OPA1: variants seen among roughly 807,000 people sequenced by gnomAD.
OPA1 encodes dynamin-like GTPase OPA1, mitochondrial.
In OPA1, 59 loss-of-function variants were observed where a neutral mutation model predicts 152.9. That is an observed-to-expected ratio of 0.39 (90% CI 0.31 to 0.48). The LOEUF (loss-of-function observed/expected upper bound fraction) is 0.48, where lower values mean the gene tolerates loss of function less well. Among genes scored for constraint, OPA1 ranks in the 20% least tolerant of loss-of-function variants. OPA1 has a pLI of 0.96. For synonymous variants in OPA1, 400 were observed against 389.9 expected, an observed-to-expected ratio of 1.03 and a Z score of -0.31; for missense variants, 1,008 against 1,216.8, an observed-to-expected ratio of 0.83 and a Z score of 2.55.
At chr3:193,637,877 C>T in intron 10 of OPA1, 75 bp from the exon 11 acceptor site, 3 of 1,169,890 alleles carry the variant, frequency 2.6e-6, no homozygotes, top group Non-Finnish European at 3.8e-6. Flanking sequence ...AAACTCAGAG[C>T]AGCATTACAA....
At chr3:193,623,459 A>T (rs1173061301) in intron 6 of OPA1, among the ~76,000 whole-genome samples, 5 of 152,080 alleles carry the variant, frequency 3.3e-5, no homozygotes, top group African/African-American at 1.2e-4. Context: ...TTAAAAAAAA[A>T]CAGGACTTTG....
chr3:193,663,284 A>G (rs1209598090), intron 26 of OPA1, among the ~76,000 whole-genome samples: 1 of 152,154 alleles, frequency 6.6e-6, no homozygotes, highest in Non-Finnish European at 1.5e-5. Context: ...TTCAGATTGC[A>G]AAATAGAATT....
intron 1 of OPA1, chr3:193,603,597 C>T (rs527528073): frequency 6.6e-5 from 10 of 152,196 alleles, no homozygotes; most frequent in East Asian, 1.9e-4. Context: ...GCCAAAATCA[C>T]GTACTACTCC....
At chr3:193,606,735 A>G (rs2108820807) in intron 1 of OPA1, among the ~76,000 whole-genome samples, 1 of 152,318 alleles carries the variant, frequency 6.6e-6, no homozygotes, top group East Asian at 1.9e-4. Flanking sequence ...ATACGTGTGC[A>G]TGTGTCTTTA....
At chr3:193,687,082 C>T (rs1359203319) in intron 29 of OPA1, among the ~76,000 whole-genome samples, 1 of 152,116 alleles carries the variant, frequency 6.6e-6, no homozygotes, top group African/African-American at 2.4e-5. Flanking sequence ...AACCTAATTA[C>T]AGATTAGTCT....
rs555402707 is a variant in OPA1, at chr3:193,601,134, T to C, written c.32+7725T>C. Among the ~76,000 whole-genome samples, 312 of 152,280 alleles carry C rather than the reference T, an allele frequency of 2.0e-3. 1 individual carries two copies. Among genetic ancestry groups the C allele is most frequent in the Non-Finnish European group, 3.4e-3 (231 of 68,012 alleles). On this transcript the variant is annotated intron_variant, in intron 1 of 30. Coordinates refer to ENST00000361510, the MANE Select transcript of OPA1 (RefSeq NM_130837.3). ...CCATCTGAAACCCTGGGAGGTCTGATTGGCTACCAAATCCAAGAATTTTCC... is the reference window on the plus strand; with the variant it reads ...CCATCTGAAACCCTGGGAGGTCTGACTGGCTACCAAATCCAAGAATTTTCC...
At chr3:193,659,638 T>G in intron 25 of OPA1, 77 bp downstream of exon 25, 1 of 1,108,104 alleles carries the variant, frequency 9.0e-7, no homozygotes. Flanking sequence ...ATATAACCTT[T>G]TTGTGGCTCT....
intron 1 of OPA1, among the ~76,000 whole-genome samples, chr3:193,602,976 G>C (rs1227952580): frequency 3.3e-5 from 5 of 152,228 alleles, no homozygotes; most frequent in East Asian, 1.9e-4. Context: ...GGTGGTAACT[G>C]AATGAAGTCC....
chr3:193,654,749 AT>A (rs1398669020), intron 21 of OPA1, 112 bp from the exon 22 acceptor site: 1 of 1,130,604 alleles, frequency 8.8e-7, no homozygotes, highest in Non-Finnish European at 1.3e-6. Context: ...GTGAAAACTT[AT>A]CAAAATTTTA....
intron 1 of OPA1, among the ~76,000 whole-genome samples, chr3:193,607,600 C>T (rs1366018530): frequency 2.0e-5 from 3 of 152,126 alleles, no homozygotes; most frequent in South Asian, 2.1e-4. Flanking sequence ...TTTCTGAGGG[C>T]TCTGTTCTGT....
intron 1 of OPA1, among the ~76,000 whole-genome samples, chr3:193,597,251 C>A (rs1725745879): frequency 6.6e-6 from 1 of 152,106 alleles, no homozygotes; most frequent in African/African-American, 2.4e-5. Flanking sequence ...AAGCTAGAGA[C>A]TGCCCAGGGG....
At chr3:193,595,268 A>G (rs1725314617) in intron 1 of OPA1, among the ~76,000 whole-genome samples, 2 of 152,260 alleles carry the variant, frequency 1.3e-5, no homozygotes, top group Admixed American at 6.5e-5. Flanking sequence ...CTTTGGGCAT[A>G]CATATGTAAA....
chr3:193,676,782 C>T (rs145745242), intron 29 of OPA1, among the ~76,000 whole-genome samples: 8,081 of 152,066 alleles, frequency 0.053, 295 homozygotes, highest in Non-Finnish European at 0.084. Flanking sequence ...AGATCCAGAC[C>T]ATCCTGGCTA....
intron 8 of OPA1, among the ~76,000 whole-genome samples, chr3:193,634,700 G>A (rs937051020): frequency 2.0e-5 from 3 of 152,084 alleles, no homozygotes; most frequent in South Asian, 2.1e-4. Context: ...GAGCCTCTGC[G>A]CCCAGCCTAT....
At chr3:193,665,933 C>G (rs1196701039) in intron 27 of OPA1, among the ~76,000 whole-genome samples, 1 of 152,028 alleles carries the variant, frequency 6.6e-6, no homozygotes, top group Non-Finnish European at 1.5e-5. Context: ...AGAGGTTAAC[C>G]TAAGGACGTA....
In OPA1 at chr3:193,626,146, G is replaced by A. The variant is rs1202957335; in HGVS notation, c.733G>A (p.Glu245Lys). The change falls in exon 7 of 31, where the codon GAA becomes AAA. Residue 245 changes from glutamate to lysine, a missense_variant. By Grantham distance (56) the Glu-to-Lys change is moderately conservative. Coordinates refer to ENST00000361510, the MANE Select transcript of OPA1 (RefSeq NM_130837.3). The part of the protein sequence containing the change: ...LQQQIQEHEE[E>K]ARRAAGQYST... ...ACAACAAATTCAAGAGCATGAAGAGGAAGCGCGCAGAGCCGCTGGCCAATA... is the reference window on the plus strand; with the variant it reads ...ACAACAAATTCAAGAGCATGAAGAGAAAGCGCGCAGAGCCGCTGGCCAATA... 1.2e-6 allele frequency: 2 copies of A among 1,614,112 alleles called. No homozygotes were observed. The highest frequency in any genetic ancestry group is 2.2e-5 in the South Asian group (2 of 91,078).
At chr3:193,694,014 C>T (rs1577416562) in intron 30 of OPA1, among the ~76,000 whole-genome samples, 1 of 152,284 alleles carries the variant, frequency 6.6e-6, no homozygotes, top group South Asian at 2.1e-4. Context: ...AATGAGGAAG[C>T]TGAAAGCCAG....
chr3:193,593,650 C>T (rs968539214), intron 1 of OPA1, among the ~76,000 whole-genome samples: 2 of 152,216 alleles, frequency 1.3e-5, no homozygotes, highest in Non-Finnish European at 2.9e-5. Flanking sequence ...CTGGACGCCT[C>T]TCAATCTTGG....
At chr3:193,619,084 G>C (rs2108890650) in intron 6 of OPA1, 148 bp downstream of exon 6, 1 of 691,840 alleles carries the variant, frequency 1.4e-6, no homozygotes, top group East Asian at 2.7e-5. Context: ...TTAGTGCAAA[G>C]TACAAGGTAT....
Sources: allele counts gnomAD v4.1 joint callset (sites outside exome capture counted in the v4.1 genomes callset), GRCh38; gene constraint gnomAD v4.1.1; transcripts MANE v1.5; gene names NCBI Gene and HGNC (gene_info 2026-07-23, HGNC 2026-07-21).